The following OSBPL6 variants were observed in gnomAD, a reference collection of about 807,000 sequenced individuals.
OSBPL6 encodes oxysterol-binding protein-related protein 6.
A neutral mutation model predicts 125.8 loss-of-function variants in OSBPL6; 49 were observed. The observed-to-expected ratio is 0.39, with a 90% CI of 0.31 to 0.49. The LOEUF (loss-of-function observed/expected upper bound fraction) is 0.49. OSBPL6 is among the 20% of genes least tolerant of loss of function. OSBPL6 has a pLI of 0.88. For synonymous variants in OSBPL6, 394 were observed against 391.8 expected (o/e 1.01, Z -0.07); for missense variants, 986 against 1,135.4 (o/e 0.87, Z 1.89).
Position 178,336,344 on chromosome 2 carries a change from G to A in OSBPL6, c.701G>A (p.Ser234Asn), listed in dbSNP as rs1195802967. The change falls in exon 9 of 25, where the codon AGC (serine) becomes AAC (asparagine). Residue 234 changes from serine to asparagine, a missense_variant. Ser to Asn is a conservative substitution (Grantham distance 46). Transcript: ENST00000190611. Reference sequence around the variant, plus strand: ...CCGTGGCAGTCCCCTTTACCATGCAGCAATAGCCTCCCTGCAACGTGCACA... The same window carrying A: ...CCGTGGCAGTCCCCTTTACCATGCAACAATAGCCTCCCTGCAACGTGCACA... ...SFPWQSPLPCSNSLPATCTTG... is the reference protein window; with the variant it reads ...SFPWQSPLPCNNSLPATCTTG... 6 of 1,614,000 alleles carry A rather than the reference G, an allele frequency of 3.7e-6. No homozygotes were observed. Among genetic ancestry groups the A allele is most frequent in the Non-Finnish European group, 5.1e-6 (6 of 1,180,018 alleles).
In OSBPL6 at chr2:178,221,076, C is replaced by CT. The variant is rs2090319692; in HGVS notation, c.-351+26403dup. On this transcript the variant is annotated intron_variant, in intron 1 of 24. Coordinates refer to ENST00000190611, the MANE Select transcript of OSBPL6 (RefSeq NM_032523.4). Reference sequence around the variant, plus strand: ...GCCCATTGAGGCAGCTCAGGGCTCTCTGAGGTAAAGAGGCTCTTTGTTTCC... The same window carrying CT: ...GCCCATTGAGGCAGCTCAGGGCTCTCTTGAGGTAAAGAGGCTCTTTGTTTCC... Among the ~76,000 whole-genome samples, 6 of 152,296 alleles carry CT rather than the reference C, an allele frequency of 3.9e-5. No individual in the cohort carries two copies. The South Asian group carries it at 1.0e-3, about 26-fold the overall frequency.
At chr2:178,267,828 A>G (rs1200778201) in intron 1 of OSBPL6, among the ~76,000 whole-genome samples, 1 of 152,142 alleles carries the variant, frequency 6.6e-6, no homozygotes, top group Non-Finnish European at 1.5e-5. Flanking sequence ...AAAAAAAAAA[A>G]AAAAAGATGA....
chr2:178,306,204 G>C lies in OSBPL6; in HGVS notation c.20G>C (p.Gly7Ala), dbSNP rs577290729. The change falls in exon 3 of 25, where the codon GGC (glycine) becomes GCC (alanine). Residue 7 changes from glycine to alanine, a missense_variant. Physicochemically the swap from Gly to Ala is moderately conservative, Grantham distance 60. Coordinates refer to ENST00000190611, the MANE Select transcript of OSBPL6 (RefSeq NM_032523.4). MSSDEKGISPAHKTSTP... is the reference protein window; with the variant it reads MSSDEKAISPAHKTSTP... ...GCAGCGATGAGTTCAGATGAGAAGGGCATTTCCCCTGCTCATAAAACATCC... is the reference window on the plus strand; with the variant it reads ...GCAGCGATGAGTTCAGATGAGAAGGCCATTTCCCCTGCTCATAAAACATCC... The C allele has an allele frequency of 1.9e-6, 3 of 1,613,108 alleles. No homozygotes were observed. The South Asian group carries it at 3.3e-5, about 18-fold the overall frequency.
intron 1 of OSBPL6, among the ~76,000 whole-genome samples, chr2:178,226,161 G>A (rs991111634): frequency 1.3e-5 from 2 of 152,196 alleles, no homozygotes; most frequent in Admixed American, 6.5e-5. Flanking sequence ...AGCCTGGGTA[G>A]GGGTGGGCAA....
chr2:178,224,307 G>A (rs555955234), intron 1 of OSBPL6, among the ~76,000 whole-genome samples: 7 of 152,268 alleles, frequency 4.6e-5, no homozygotes, highest in African/African-American at 1.4e-4. Context: ...CTATTGCAGA[G>A]TGAGCAGAAG....
chr2:178,227,256 G>C (rs911154865), intron 1 of OSBPL6, among the ~76,000 whole-genome samples: 1 of 152,188 alleles, frequency 6.6e-6, no homozygotes, highest in Non-Finnish European at 1.5e-5. Context: ...CTGCCATAAA[G>C]ATGCCATTTT....
intron 11 of OSBPL6, chr2:178,344,302 A>C (rs1301341930): frequency 6.2e-7 from 1 of 1,614,096 alleles, no homozygotes; most frequent in South Asian, 1.1e-5. Flanking sequence ...CCACCCGCGA[A>C]GGGCCAGTTC....
At chr2:178,228,955 G>A (rs979379911) in intron 1 of OSBPL6, among the ~76,000 whole-genome samples, 1 of 152,176 alleles carries the variant, frequency 6.6e-6, no homozygotes, top group African/African-American at 2.4e-5. Flanking sequence ...CTGAGACTAG[G>A]TAATTTATAC....
At chr2:178,316,732 A>G (rs1342873746) in intron 3 of OSBPL6, among the ~76,000 whole-genome samples, 4 of 152,204 alleles carry the variant, frequency 2.6e-5, no homozygotes, top group African/African-American at 9.6e-5. Context: ...AGGTATCACA[A>G]GTAATATGGA....
chr2:178,311,896 G>A (rs1574836628), intron 3 of OSBPL6, among the ~76,000 whole-genome samples: 1 of 152,232 alleles, frequency 6.6e-6, no homozygotes, highest in African/African-American at 2.4e-5. Flanking sequence ...AGAGTTGGGA[G>A]CATTCTTCTG....
At chr2:178,261,677 G>A (rs2092068763) in intron 1 of OSBPL6, among the ~76,000 whole-genome samples, 1 of 152,244 alleles carries the variant, frequency 6.6e-6, no homozygotes, top group Non-Finnish European at 1.5e-5. Flanking sequence ...GGCTTCTGCA[G>A]TACAGAAATG....
At chr2:178,215,101 A>T (rs1444277268) in intron 1 of OSBPL6, among the ~76,000 whole-genome samples, 1 of 151,534 alleles carries the variant, frequency 6.6e-6, no homozygotes, top group African/African-American at 2.4e-5. Context: ...TATCCTTTAA[A>T]AAAAAAAAAA....
At chr2:178,290,214 GGT>G (rs1685114172) in intron 2 of OSBPL6, among the ~76,000 whole-genome samples, 1 of 152,026 alleles carries the variant, frequency 6.6e-6, no homozygotes, top group African/African-American at 2.4e-5. Context: ...ACTAGTATTT[GGT>G]GGCCCTGAAA....
intron 1 of OSBPL6, among the ~76,000 whole-genome samples, chr2:178,264,440 G>C (rs1341480759): frequency 6.6e-6 from 1 of 152,200 alleles, no homozygotes; most frequent in African/African-American, 2.4e-5. Context: ...GACTCAGACA[G>C]AGTGATAAGG....
In OSBPL6 at chr2:178,396,436, A is replaced by C. The variant is rs1348833071; in HGVS notation, c.*877A>C. 3.3e-5 allele frequency: 5 copies of C among 152,246 alleles called. No individual in the cohort carries two copies. Among genetic ancestry groups the C allele is most frequent in the Non-Finnish European group, 7.3e-5 (5 of 68,064 alleles). The allele number at this position is 152,246 out of a possible 1,614,324, so 9.4% of individuals were successfully genotyped here. ...CCTCACAGTGTGCCCTATTATTTGGAAAAATCTGTCTTTGATTTGGACATT... is the reference window on the plus strand; with the variant it reads ...CCTCACAGTGTGCCCTATTATTTGGCAAAATCTGTCTTTGATTTGGACATT... On this transcript the variant is annotated 3_prime_UTR_variant, in exon 25 of 25. Transcript: ENST00000190611.
intron 1 of OSBPL6, among the ~76,000 whole-genome samples, chr2:178,247,899 C>A (rs2091551151): frequency 6.6e-6 from 1 of 152,146 alleles, no homozygotes; most frequent in Admixed American, 6.5e-5. Flanking sequence ...GTTTATTTCT[C>A]TACTTATAGG....
intron 1 of OSBPL6, among the ~76,000 whole-genome samples, chr2:178,198,588 A>G (rs1304548150): frequency 6.6e-6 from 1 of 150,808 alleles, no homozygotes; most frequent in African/African-American, 2.4e-5. Flanking sequence ...CCACTGCACT[A>G]CAGTTTAGGT....
intron 2 of OSBPL6, among the ~76,000 whole-genome samples, chr2:178,305,058 A>G (rs1475798945): frequency 2.6e-5 from 4 of 152,172 alleles, no homozygotes; most frequent in Admixed American, 2.6e-4. Flanking sequence ...TCCTGCTAGC[A>G]GCTTTCCTTC....
At position 178,397,967 on chromosome 2, in the gene OSBPL6, A is replaced by G. The variant is rs1695945942; in HGVS notation, c.*2408A>G. 1 of 152,226 alleles carries G rather than the reference A, an allele frequency of 6.6e-6. No individual in the cohort carries two copies. Among genetic ancestry groups the G allele is most frequent in the South Asian group, 2.1e-4 (1 of 4,834 alleles). The allele number at this position is 152,226 out of a possible 1,614,324, so 9.4% of individuals were successfully genotyped here. Reference sequence around the variant, plus strand: ...TCTCAGATTTAGAATCTCTTTTGGGATTCAGATAGTCTGATTATTCCAATT... The same window carrying G: ...TCTCAGATTTAGAATCTCTTTTGGGGTTCAGATAGTCTGATTATTCCAATT... On this transcript the variant is annotated 3_prime_UTR_variant, in exon 25 of 25. Transcript: ENST00000190611.
Sources: allele counts gnomAD v4.1 joint callset (sites outside exome capture counted in the v4.1 genomes callset), GRCh38; gene constraint gnomAD v4.1.1; transcripts MANE v1.5; gene names NCBI Gene and HGNC (gene_info 2026-07-23, HGNC 2026-07-21).